Variants in CEL observed in about 807,000 individuals in gnomAD.
CEL encodes carboxyl ester lipase.
In CEL, 39 loss-of-function variants were observed where a neutral mutation model predicts 57.1. That is an observed-to-expected ratio of 0.68 (90% CI 0.53 to 0.89). The LOEUF (loss-of-function observed/expected upper bound fraction) is 0.89. CEL is among the 40% of genes least tolerant of loss of function. The pLI is 0.00. For synonymous variants in CEL, 314 were observed against 396.6 expected (o/e 0.79, Z 2.48); for missense variants, 698 against 915.0 (o/e 0.76, Z 3.06).
At chr9:133,070,848 C>G (rs1273735593) in intron 10 of CEL, 139 bp from the exon 11 acceptor site, 53 of 1,223,222 alleles carry the variant, frequency 4.3e-5, no homozygotes, top group Admixed American at 7.9e-5. Context: ...CGTGCACAGC[C>G]AGTGCCCAGT....
At position 133,071,753 on chromosome 9, in the gene CEL, A is replaced by G. The variant is rs768137336; in HGVS notation, c.2251A>G (p.Ile751Val). 2 of 1,611,652 alleles carry G rather than the reference A, an allele frequency of 1.2e-6. No individual in the cohort carries two copies. The highest frequency in any genetic ancestry group is 1.1e-5 in the South Asian group (1 of 91,056). The change falls in exon 11 of 11, where the codon ATT becomes GTT. Residue 751 changes from isoleucine (I) to valine (V), a missense_variant. Ile to Val is a conservative substitution (Grantham distance 29). Transcript: ENST00000372080. ...CAAGGAAGCTCAGATGCCTGCAGTC[A>G]TTAGGTTTTAGCGTCCCATGAGCCT... ...DSKEAQMPAV[I>V]RF
chr9:133,071,200 C>G lies in CEL; in HGVS notation c.1698C>G (p.Ser566=). The G allele has an allele frequency of 6.2e-7, 1 of 1,603,234 alleles. No individual in the cohort carries two copies. The highest frequency in any genetic ancestry group is 8.5e-7 in the Non-Finnish European group (1 of 1,178,280). ...CCCCTGTGCCCCCCACAGGGGACTC[C>G]GAGGCCACTCCCGTGCCCCCCACGG... is the stretch of plus-strand genomic sequence containing the variant. ...EATPVPPTGD[S]EATPVPPTGD... is the part of the protein sequence containing the mutation. Residue 566 remains serine (S), a synonymous_variant, in exon 11 of 11, where the codon TCC becomes TCG. Coordinates refer to ENST00000372080, the MANE Select transcript of CEL (RefSeq NM_001807.6).
At position 133,068,661 on chromosome 9, in the gene CEL, C is replaced by T. The variant is rs375248273; in HGVS notation, c.896-11C>T. On this transcript the variant is annotated splice_polypyrimidine_tract_variant and intron_variant, in intron 7 of 10. Transcript: ENST00000372080. ...ACAAGAACCTGCTAACCTGCTGGCT[C>T]TCCCACCCAGACCCCATGCTGCACT... 1.2e-6 allele frequency: 2 copies of T among 1,613,288 alleles called. No homozygotes were observed. The highest frequency in any genetic ancestry group is 8.5e-7 in the Non-Finnish European group (1 of 1,179,776).
rs752352827 is a variant in CEL, at chr9:133,066,788, G to A, written c.670-50G>A. On this transcript the variant is annotated intron_variant, in intron 5 of 10. Coordinates refer to ENST00000372080, the MANE Select transcript of CEL (RefSeq NM_001807.6). This position sits in a 1 kb window ranked among gnomAD's most constrained non-coding sequence, Gnocchi z 4.3. ...TGGGGTGTCCTTGTCCCAGCGTGGG[G>A]TGGGCAGAGTGGGGAGCGGCCTTGG... 1.2e-6 allele frequency: 2 copies of A among 1,606,838 alleles called. No individual in the cohort carries two copies. The highest frequency in any genetic ancestry group is 1.7e-6 in the Non-Finnish European group (2 of 1,175,256).
chr9:133,065,562 G>A (rs1241000427), intron 4 of CEL, among the ~76,000 whole-genome samples: 1 of 152,020 alleles, frequency 6.6e-6, no homozygotes, highest in African/African-American at 2.4e-5. Context: ...AAAATTAGCT[G>A]GGGACTGGGC....
In CEL at chr9:133,071,309, C is replaced by T; in HGVS notation, c.1807C>T (p.Pro603Ser). The T allele has an allele frequency of 1.9e-6, 1 of 519,182 alleles. No individual in the cohort carries two copies. Among genetic ancestry groups the T allele is most frequent in the South Asian group, 2.1e-5 (1 of 47,814 alleles). The allele number at this position is 519,182 out of a possible 1,614,324, so 32.2% of individuals were successfully genotyped here. A position where few individuals can be genotyped will look rare whatever the true frequency, so the allele number is the denominator to read the frequency against. Residue 603 changes from proline (P) to serine (S), a missense_variant, in exon 11 of 11, where the codon CCC becomes TCC. Physicochemically the swap from Pro to Ser is moderately conservative, Grantham distance 74 (BLOSUM62 -1). Coordinates refer to ENST00000372080, the MANE Select transcript of CEL (RefSeq NM_001807.6). ...VPPTGDSGAPPVPPTGDSGAP... is the reference protein window; with the variant it reads ...VPPTGDSGAPSVPPTGDSGAP... ...GCCCACGGGTGACTCCGGGGCCCCC[C>T]CCGTGCCGCCCACGGGTGACTCCGG...
chr9:133,071,089 C>T lies in CEL; in HGVS notation c.1587C>T (p.Ser529=). ...LEITKKMGSS[S]MKRSLRTNFL... is the part of the protein sequence containing the mutation. ...TCACCAAGAAGATGGGCAGCAGCTC[C>T]ATGAAGCGGAGCCTGAGAACCAACT... is the stretch of plus-strand genomic sequence containing the variant. Residue 529 remains serine (S), a synonymous_variant, in exon 11 of 11, where the codon TCC becomes TCT. Coordinates refer to ENST00000372080, the MANE Select transcript of CEL (RefSeq NM_001807.6). The T allele has an allele frequency of 1.2e-6, 2 of 1,611,866 alleles. No homozygotes were observed. The highest frequency in any genetic ancestry group is 1.7e-4 in the Middle Eastern group (1 of 6,060).
In CEL at chr9:133,071,837, T is replaced by C. The variant is rs966116656; in HGVS notation, c.*73T>C. On this transcript the variant is annotated 3_prime_UTR_variant, in exon 11 of 11. Transcript: ENST00000372080. Reference sequence around the variant, plus strand: ...GGGCTCCCCTCCCATCTTGAGCTCTTCCTGAATAAAGCCTCATACCCCTGT... The same window carrying C: ...GGGCTCCCCTCCCATCTTGAGCTCTCCCTGAATAAAGCCTCATACCCCTGT... 2.2e-6 allele frequency: 3 copies of C among 1,382,600 alleles called. No homozygotes were observed. In the African/African-American group the frequency reaches 4.3e-5, roughly 20 times the overall value. 85.6% of individuals were successfully genotyped at this position (1,382,600 alleles called of 1,614,324 possible). A position where few individuals can be genotyped will look rare whatever the true frequency, so the allele number is the denominator to read the frequency against.
chr9:133,063,454 C>T (rs1412702431), intron 1 of CEL, among the ~76,000 whole-genome samples: 5 of 152,210 alleles, frequency 3.3e-5, no homozygotes, highest in Non-Finnish European at 5.9e-5. Flanking sequence ...TCACCCTAGA[C>T]TTCAGAGGGC....
Position 133,071,146 on chromosome 9 carries a change from G to A in CEL, c.1644G>A (p.Ala548=), listed in dbSNP as rs1433277033. The A allele has an allele frequency of 6.2e-6, 10 of 1,608,454 alleles. No homozygotes were observed. The highest frequency in any genetic ancestry group is 1.3e-5 in the African/African-American group (1 of 74,808). Residue 548 remains alanine (A), a synonymous_variant, in exon 11 of 11, where the codon GCG becomes GCA. Transcript: ENST00000372080. ...GCTACTGGACCCTCACCTATCTGGC[G>A]CTGCCCACAGTGACCGACCAGGAGG... is the stretch of plus-strand genomic sequence containing the variant. ...FLRYWTLTYL[A]LPTVTDQEAT...
rs1830282623 is a variant in CEL, at chr9:133,071,812, G to A, written c.*48G>A. 4 of 1,543,604 alleles carry A rather than the reference G, an allele frequency of 2.6e-6. No homozygotes were observed. Among genetic ancestry groups the A allele is most frequent in the African/African-American group, 1.4e-5 (1 of 73,480 alleles). On this transcript the variant is annotated 3_prime_UTR_variant, in exon 11 of 11. Transcript: ENST00000372080. ...AGAGGCCACAAGAGTGGGACCCCAGGGGCTCCCCTCCCATCTTGAGCTCTT... is the reference window on the plus strand; with the variant it reads ...AGAGGCCACAAGAGTGGGACCCCAGAGGCTCCCCTCCCATCTTGAGCTCTT...
intron 1 of CEL, 65 bp from the exon 2 acceptor site, chr9:133,064,339 G>T: frequency 1.2e-6 from 2 of 1,604,958 alleles, no homozygotes. Context: ...GGCTTGCCTT[G>T]CCCCCTCCGG....
rs201133893 is a variant in CEL at position 133,071,664 on chromosome 9, G to T, written c.2162G>T (p.Gly721Val). 1 of 1,568,600 alleles carries T rather than the reference G, an allele frequency of 6.4e-7. No individual in the cohort carries two copies. The highest frequency in any genetic ancestry group is 1.5e-5 in the African/African-American group (1 of 68,002). The part of the protein sequence containing the change: ...TAPVPPTGDS[G>V]APPVPPTGDS... ...CCCGTGCCGCCCACGGGTGACTCCG[G>T]GGCCCCCCCTGTGCCCCCCACGGGT... Residue 721 changes from glycine (G) to valine (V), a missense_variant, in exon 11 of 11, where the codon GGG becomes GTG. Coordinates refer to ENST00000372080, the MANE Select transcript of CEL (RefSeq NM_001807.6).
Position 133,064,569 on chromosome 9 carries a change from T to C in CEL, c.217+15T>C, listed in dbSNP as rs773022011. On this transcript the variant is annotated intron_variant, in intron 2 of 10. Coordinates refer to ENST00000372080, the MANE Select transcript of CEL (RefSeq NM_001807.6). ...TGGCTGGCAAGGTGGGAGTGGGTGGTGCCGGACTGGCCCTGCGGCGGGGCG... is the reference window on the plus strand; with the variant it reads ...TGGCTGGCAAGGTGGGAGTGGGTGGCGCCGGACTGGCCCTGCGGCGGGGCG... 6.2e-7 allele frequency: 1 copy of C among 1,614,054 alleles called. No homozygotes were observed. Among genetic ancestry groups the C allele is most frequent in the Admixed American group, 1.7e-5 (1 of 60,020 alleles).
chr9:133,065,355 A>G (rs1301427382), intron 4 of CEL, 118 bp downstream of exon 4: 2 of 1,180,526 alleles, frequency 1.7e-6, no homozygotes, highest in South Asian at 2.4e-5. Flanking sequence ...AAGACCCGGA[A>G]GCTGGAGTAG....
chr9:133,064,592 G>A (rs2119059086), intron 2 of CEL, 38 bp downstream of exon 2: 1 of 1,613,864 alleles, frequency 6.2e-7, no homozygotes, highest in Non-Finnish European at 8.5e-7. Flanking sequence ...CTGCGGCGGG[G>A]CGGGTGAGGG....
Position 133,067,124 on chromosome 9 carries a change from GCCAGGATGGC to G in CEL, c.819_828del (p.Arg273SerfsTer3), listed in dbSNP as rs1564211774. The G allele has an allele frequency of 1.9e-6, 3 of 1,613,982 alleles. No homozygotes were observed. In the African/African-American group the frequency reaches 4.0e-5, roughly 22 times the overall value. Reference sequence around the variant, plus strand: ...GGTGGGTTGCCCTGTGGGTGATGCCGCCAGGATGGCCCAGTGTCTGAAGGTTACTGATCCC... The same window carrying G: ...GGTGGGTTGCCCTGTGGGTGATGCCGCCAGTGTCTGAAGGTTACTGATCCC... On this transcript the variant is annotated frameshift_variant, in exon 7 of 11. Transcript: ENST00000372080. LOFTEE classifies it high-confidence loss of function.
At chr9:133,064,592 G>C in intron 2 of CEL, 38 bp downstream of exon 2, 1 of 1,613,864 alleles carries the variant, frequency 6.2e-7, no homozygotes, top group Non-Finnish European at 8.5e-7. Flanking sequence ...CTGCGGCGGG[G>C]CGGGTGAGGG....
At position 133,071,604 on chromosome 9, in the gene CEL, C is replaced by T. The variant is rs748561381; in HGVS notation, c.2102C>T (p.Pro701Leu). Residue 701 changes from proline (P) to leucine (L), a missense_variant, in exon 11 of 11, where the codon CCC becomes CTC. By Grantham distance (98) the Pro-to-Leu change is moderately conservative (BLOSUM62 -3). Around this residue, in one of 6 missense-constraint regions of CEL, gnomAD observed 238 missense variants for 213.7 expected, o/e 1.11. Coordinates refer to ENST00000372080, the MANE Select transcript of CEL (RefSeq NM_001807.6). ...PVPPTGDSGA[P>L]PVTPTGDSET... is the part of the protein sequence containing the mutation. ...CCGCCCACGGGTGACTCCGGGGCCC[C>T]CCCCGTGACCCCCACGGGTGACTCC... 2.8e-6 allele frequency: 4 copies of T among 1,441,434 alleles called. No homozygotes were observed. The highest frequency in any genetic ancestry group is 3.8e-6 in the Non-Finnish European group (4 of 1,061,146). The allele number at this position is 1,441,434 out of a possible 1,614,324, so 89.3% of individuals were successfully genotyped here.
Sources: gnomAD v4.1 joint callset for allele counts (sites outside exome capture counted in the v4.1 genomes callset) on GRCh38, gnomAD v4.1.1 for gene constraint, gnomAD v4.1.1 regional missense constraint, Gnocchi (gnomAD v3.1) non-coding constraint, MANE v1.5 for transcripts, NCBI Gene and HGNC (gene_info 2026-07-23, HGNC 2026-07-21) for gene names.